The following CADM2 variants were observed in gnomAD, a reference collection of about 807,000 sequenced individuals.
CADM2 encodes cell adhesion molecule 2.
CADM2 carries 12 observed loss-of-function variants against 49.8 expected under a neutral mutation model. That is an observed-to-expected ratio of 0.24 (90% confidence interval 0.15 to 0.39). The LOEUF (loss-of-function observed/expected upper bound fraction) is 0.39. Ranked by LOEUF, CADM2 falls within the 10% of genes least tolerant of loss-of-function variation. The pLI, the probability that CADM2 is intolerant of heterozygous loss-of-function variation, is 1.00. For missense variants in CADM2, 378 were observed against 492.3 expected, an observed-to-expected ratio of 0.77 and a Z score of 2.20; for synonymous variants, 214 against 175.4, an observed-to-expected ratio of 1.22 and a Z score of -1.74.
At chr3:86,056,744 C>A (rs1309756209) in intron 8 of CADM2, among the ~76,000 whole-genome samples, 1 of 152,144 alleles carries the variant, frequency 6.6e-6, no homozygotes, top group Non-Finnish European at 1.5e-5. Flanking sequence ...ACACTAAAAA[C>A]AAACCAAACT....
intron 3 of CADM2, among the ~76,000 whole-genome samples, chr3:85,872,654 T>C (rs2108357894): frequency 6.7e-6 from 1 of 150,320 alleles, no homozygotes; most frequent in South Asian, 2.1e-4. Context: ...TATTTATTCA[T>C]ACATACAATG....
chr3:85,793,471 A>G (rs2071453812), intron 2 of CADM2, among the ~76,000 whole-genome samples: 1 of 152,172 alleles, frequency 6.6e-6, no homozygotes, highest in African/African-American at 2.4e-5. Context: ...AGCACCAAAA[A>G]GAGATATCAA....
chr3:85,216,366 A>G (rs996026622), intron 1 of CADM2, among the ~76,000 whole-genome samples: 1 of 147,600 alleles, frequency 6.8e-6, no homozygotes, highest in Non-Finnish European at 1.5e-5. Flanking sequence ...ATAGTAATAT[A>G]TTTAATATTA....
At chr3:85,649,041 G>C (rs895077812) in intron 1 of CADM2, among the ~76,000 whole-genome samples, 8 of 151,996 alleles carry the variant, frequency 5.3e-5, no homozygotes, top group Admixed American at 5.2e-4. Context: ...ACTGGGTGAA[G>C]AAATTACTTT....
intron 8 of CADM2, among the ~76,000 whole-genome samples, chr3:85,990,417 T>C (rs930319660): frequency 1.3e-5 from 2 of 152,176 alleles, no homozygotes; most frequent in Admixed American, 6.6e-5. Flanking sequence ...TTTTGACTTA[T>C]ATTTTTAACT....
At chr3:85,446,270 G>A (rs995741947) in intron 1 of CADM2, among the ~76,000 whole-genome samples, 3 of 152,266 alleles carry the variant, frequency 2.0e-5, no homozygotes, top group East Asian at 1.9e-4. Flanking sequence ...TGTAATCTGA[G>A]CCTGGGTATT....
intron 7 of CADM2, among the ~76,000 whole-genome samples, chr3:85,946,626 C>T (rs1722743373): frequency 6.6e-6 from 1 of 152,026 alleles, no homozygotes; most frequent in South Asian, 2.1e-4. Context: ...GAACAGAGCC[C>T]TCAGAGATAA....
intron 3 of CADM2, 130 bp downstream of exon 3, chr3:85,802,326 G>A: frequency 1.3e-6 from 1 of 767,496 alleles, no homozygotes; most frequent in Non-Finnish European, 1.9e-6. Flanking sequence ...ATTTAAACAT[G>A]TTAAATATTA....
chr3:85,981,941 C>T (rs1273434597), intron 8 of CADM2, among the ~76,000 whole-genome samples: 1 of 151,696 alleles, frequency 6.6e-6, no homozygotes, highest in Non-Finnish European at 1.5e-5. Context: ...GGCTTCTTTT[C>T]ACAGTGACTG....
chr3:85,111,612 G>T (rs2038461109), intron 1 of CADM2, among the ~76,000 whole-genome samples: 1 of 151,316 alleles, frequency 6.6e-6, no homozygotes, highest in South Asian at 2.1e-4. Context: ...AGGCTGGAAA[G>T]GATGGTATAG....
At chr3:85,658,744 G>A (rs937286591) in intron 1 of CADM2, among the ~76,000 whole-genome samples, 2 of 150,772 alleles carry the variant, frequency 1.3e-5, no homozygotes, top group African/African-American at 2.4e-5. Context: ...CAGCACAGAA[G>A]TTTCTGACAA....
At chr3:85,080,279 G>A (rs1256226460) in intron 1 of CADM2, among the ~76,000 whole-genome samples, 1 of 151,942 alleles carries the variant, frequency 6.6e-6, no homozygotes, top group Non-Finnish European at 1.5e-5. Flanking sequence ...CCTATTTTAT[G>A]TGAGTATTTC....
At chr3:85,506,604 GC>G (rs2040364398) in intron 1 of CADM2, among the ~76,000 whole-genome samples, 1 of 151,534 alleles carries the variant, frequency 6.6e-6, no homozygotes, top group South Asian at 2.1e-4. Flanking sequence ...TCACTATGTT[GC>G]CCAGGCTGGA....
At chr3:85,558,672 C>G (rs528726643) in intron 1 of CADM2, among the ~76,000 whole-genome samples, 112 of 152,086 alleles carry the variant, frequency 7.4e-4, no homozygotes, top group Middle Eastern at 6.8e-3. Context: ...TATTACCTAA[C>G]TTGAGTCAAT....
chr3:85,323,043 T>C (rs1158050303), intron 1 of CADM2, among the ~76,000 whole-genome samples: 1 of 152,192 alleles, frequency 6.6e-6, no homozygotes, highest in Non-Finnish European at 1.5e-5. Flanking sequence ...ATTTTAACAT[T>C]TTGGAAAAAT....
chr3:85,064,259 GA>G (rs1241712419), intron 1 of CADM2, among the ~76,000 whole-genome samples: 1 of 152,014 alleles, frequency 6.6e-6, no homozygotes, highest in African/African-American at 2.4e-5. Flanking sequence ...CTACCAATGA[GA>G]ACTAAGGTTT....
chr3:85,748,806 A>C (rs2107851094), intron 2 of CADM2, among the ~76,000 whole-genome samples: 1 of 152,228 alleles, frequency 6.6e-6, no homozygotes, highest in African/African-American at 2.4e-5. Flanking sequence ...ACTAGTTCTT[A>C]ATATAGCAAC....
chr3:85,175,764 TACC>T (rs988954641), intron 1 of CADM2, among the ~76,000 whole-genome samples: 16 of 152,044 alleles, frequency 1.1e-4, no homozygotes, highest in African/African-American at 3.9e-4. Context: ...ATATATATTT[TACC>T]ACAATAAAAA....
chr3:85,480,150 T>A (rs1193923798), intron 1 of CADM2, among the ~76,000 whole-genome samples: 3 of 151,850 alleles, frequency 2.0e-5, no homozygotes, highest in Non-Finnish European at 4.4e-5. Context: ...GGAGATATAT[T>A]ATTTGAATCA....
Sources: gnomAD v4.1 joint callset for allele counts (sites outside exome capture counted in the v4.1 genomes callset) on GRCh38, gnomAD v4.1.1 for gene constraint, MANE v1.5 for transcripts, NCBI Gene and HGNC (gene_info 2026-07-23, HGNC 2026-07-21) for gene names.